The following MAGI2 variants were observed in gnomAD, a reference collection of about 807,000 sequenced individuals.
The protein encoded by MAGI2 is membrane associated guanylate kinase, WW and PDZ domain containing 2.
MAGI2 carries 35 observed loss-of-function variants against 133.3 expected under a neutral mutation model. The ratio of observed to expected loss-of-function variants is 0.26; its 90% CI spans 0.20 to 0.35. MAGI2 has a LOEUF of 0.35. MAGI2 is among the 10% of genes least tolerant of loss of function. The pLI is 1.00. For missense variants in MAGI2, 1,636 were observed against 1,863.4 expected (o/e 0.88, Z 2.25); for synonymous variants, 729 against 710.6 (o/e 1.03, Z -0.41).
intron 1 of MAGI2, among the ~76,000 whole-genome samples, chr7:79,314,087 C>T (rs987119682): frequency 1.3e-5 from 2 of 152,172 alleles, no homozygotes; most frequent in African/African-American, 4.8e-5. Context: ...GATTCTCCTG[C>T]CTCAGCCTCC....
Position 78,691,653 on chromosome 7 carries a change from T to C in MAGI2, c.419-64414A>G, listed in dbSNP as rs150855177. 5.5e-4 allele frequency among the ~76,000 whole-genome samples: 83 copies of C among 152,112 alleles called. 1 individual carries two copies. In the East Asian group the frequency reaches 0.015, roughly 27 times the overall value. On this transcript the variant is annotated intron_variant, in intron 2 of 21. Transcript: ENST00000354212. Reference sequence around the variant, plus strand: ...TGACCAAAAGAGCAGACTCTTTTAGTGAAAAACTAGAGAAATTGAGTTGAA... The same window carrying C: ...TGACCAAAAGAGCAGACTCTTTTAGCGAAAAACTAGAGAAATTGAGTTGAA...
intron 6 of MAGI2, among the ~76,000 whole-genome samples, chr7:78,458,974 A>C (rs1789667658): frequency 6.6e-6 from 1 of 152,226 alleles, no homozygotes; most frequent in Non-Finnish European, 1.5e-5. Context: ...CTAAAAATTC[A>C]AATGTAAGAG....
At chr7:78,730,616 A>G (rs940733317) in intron 2 of MAGI2, among the ~76,000 whole-genome samples, 3 of 152,178 alleles carry the variant, frequency 2.0e-5, no homozygotes, top group African/African-American at 7.2e-5. Context: ...AAGACATGCT[A>G]AGTTCAATAA....
chr7:78,303,908 T>A (rs1272597561), intron 9 of MAGI2, among the ~76,000 whole-genome samples: 2 of 152,176 alleles, frequency 1.3e-5, no homozygotes, highest in Admixed American at 1.3e-4. Context: ...AGATATTGAA[T>A]AGGCATTTAA....
At chr7:78,532,980 T>A (rs1479072146) in intron 3 of MAGI2, among the ~76,000 whole-genome samples, 1 of 151,960 alleles carries the variant, frequency 6.6e-6, no homozygotes, top group Non-Finnish European at 1.5e-5. Context: ...CTTGCTCTGT[T>A]GCCCAGGCTG....
intron 6 of MAGI2, among the ~76,000 whole-genome samples, chr7:78,448,175 A>G (rs758354675): frequency 6.6e-6 from 1 of 152,054 alleles, no homozygotes; most frequent in Admixed American, 6.6e-5. Context: ...TCACTGATGT[A>G]CACTTAGGTT....
intron 10 of MAGI2, among the ~76,000 whole-genome samples, chr7:78,206,220 G>A (rs1239872361): frequency 6.6e-6 from 1 of 151,604 alleles, no homozygotes; most frequent in Non-Finnish European, 1.5e-5. Context: ...ATACAATGAA[G>A]AGCAACTTTA....
At chr7:79,189,365 C>A (rs942323570) in intron 1 of MAGI2, among the ~76,000 whole-genome samples, 1 of 138,676 alleles carries the variant, frequency 7.2e-6, no homozygotes, top group Non-Finnish European at 1.5e-5. Context: ...ATGTTTATTT[C>A]TTTGATTATG....
At chr7:78,649,712 G>A (rs1051721988) in intron 2 of MAGI2, among the ~76,000 whole-genome samples, 30 of 152,150 alleles carry the variant, frequency 2.0e-4, no homozygotes, top group African/African-American at 7.2e-4. Flanking sequence ...GTTTTGGCCT[G>A]GTCATCCCTG....
At chr7:78,374,127 T>C (rs1012756085) in intron 6 of MAGI2, among the ~76,000 whole-genome samples, 1 of 152,208 alleles carries the variant, frequency 6.6e-6, no homozygotes, top group African/African-American at 2.4e-5. Flanking sequence ...GTAACAGGAT[T>C]GCTTACTCAC....
At chr7:78,104,398 A>G (rs1443490600) in intron 20 of MAGI2, among the ~76,000 whole-genome samples, 4 of 151,566 alleles carry the variant, frequency 2.6e-5, no homozygotes, top group Non-Finnish European at 5.9e-5. Flanking sequence ...AATATTTTGT[A>G]TTTTTAGTAG....
intron 1 of MAGI2, chr7:79,125,805 G>A: frequency 2.0e-6 from 1 of 511,044 alleles, no homozygotes; most frequent in South Asian, 1.4e-5. Flanking sequence ...CTATGGCAGT[G>A]GCAGAAGGTT....
At chr7:78,062,052 A>G (rs1360410558) in intron 21 of MAGI2, among the ~76,000 whole-genome samples, 1 of 152,212 alleles carries the variant, frequency 6.6e-6, no homozygotes, top group African/African-American at 2.4e-5. Context: ...TGATTTCAAC[A>G]AGAGTGCGAC....
chr7:78,329,453 A>C (rs1332090324), intron 9 of MAGI2, among the ~76,000 whole-genome samples: 1 of 152,372 alleles, frequency 6.6e-6, no homozygotes, highest in East Asian at 1.9e-4. Flanking sequence ...TATATTCCAC[A>C]TACCTGTGGA....
chr7:78,612,701 G>A (rs922066081), intron 3 of MAGI2, among the ~76,000 whole-genome samples: 2 of 151,524 alleles, frequency 1.3e-5, no homozygotes, highest in African/African-American at 2.4e-5. Context: ...GCGGGGTCTC[G>A]CTCTGTCGCC....
At chr7:78,739,940 C>T (rs1291950995) in intron 2 of MAGI2, among the ~76,000 whole-genome samples, 5 of 152,162 alleles carry the variant, frequency 3.3e-5, no homozygotes, top group Non-Finnish European at 5.9e-5. Flanking sequence ...GGGCGGATCA[C>T]GACGTCAGGA....
chr7:78,957,301 A>G lies in MAGI2; in HGVS notation c.418+49789T>C, dbSNP rs1024892206. 9.3e-5 allele frequency among the ~76,000 whole-genome samples: 14 copies of G among 151,132 alleles called. No homozygotes were observed. The South Asian group carries it at 1.7e-3, about 18-fold the overall frequency. ...AAAAAAAAAAGAAAAGAAAAGAAAA[A>G]AAAATTTAGGAACCCCTCCTAAATG... is the stretch of plus-strand genomic sequence containing the variant. On this transcript the variant is annotated intron_variant, in intron 2 of 21. Transcript: ENST00000354212.
At chr7:78,728,129 G>A (rs939816618) in intron 2 of MAGI2, among the ~76,000 whole-genome samples, 1 of 152,176 alleles carries the variant, frequency 6.6e-6, no homozygotes, top group African/African-American at 2.4e-5. Context: ...TTGTGTGTAT[G>A]AATATAGATT....
rs527751621 is a variant in MAGI2 at position 78,198,526 on chromosome 7, G to C, written c.2079+2636C>G. On this transcript the variant is annotated intron_variant, in intron 11 of 21. Transcript: ENST00000354212. ...GGCTTACTGCAACCTCCGCCTCCCG[G>C]GCTCAAGTGATCCTCCCCGCTCAGT... 1.3e-4 allele frequency among the ~76,000 whole-genome samples: 19 copies of C among 146,922 alleles called. No homozygotes were observed. In the East Asian group the frequency reaches 4.2e-3, roughly 33 times the overall value.
Sources: allele counts gnomAD v4.1 joint callset (sites outside exome capture counted in the v4.1 genomes callset), GRCh38; gene constraint gnomAD v4.1.1; transcripts MANE v1.5; gene names NCBI Gene and HGNC (gene_info 2026-07-23, HGNC 2026-07-21).